The following SLC35F2 variants were observed in gnomAD, a reference collection of about 807,000 sequenced individuals.
The protein encoded by SLC35F2 is solute carrier family 35 member F2, also known as queuine/queuosine transporter SLC35F2.
Under a neutral mutation model 38.1 loss-of-function variants are expected in SLC35F2, and 25 were observed. That is an observed-to-expected ratio of 0.66 (90% CI 0.48 to 0.92). The LOEUF is 0.92. Among genes scored for constraint, SLC35F2 ranks in the 40% least tolerant of loss-of-function variants. SLC35F2 has a pLI of 0.00. For synonymous variants in SLC35F2, 173 were observed against 181.7 expected (o/e 0.95, Z 0.38); for missense variants, 409 against 452.9 (o/e 0.90, Z 0.88).
chr11:107,839,593 T>C (rs1040185837), intron 1 of SLC35F2, among the ~76,000 whole-genome samples: 1 of 152,214 alleles, frequency 6.6e-6, no homozygotes, highest in African/African-American at 2.4e-5. Context: ...AAATATAAAA[T>C]CCATGTATGA....
chr11:107,836,371 T>G (rs1013736385), intron 1 of SLC35F2, among the ~76,000 whole-genome samples: 1 of 152,106 alleles, frequency 6.6e-6, no homozygotes, highest in Non-Finnish European at 1.5e-5. Context: ...ATTTCTGGGT[T>G]CTACCACTAA....
chr11:107,818,393 T>C (rs550896411), intron 1 of SLC35F2, among the ~76,000 whole-genome samples: 1 of 151,312 alleles, frequency 6.6e-6, no homozygotes, highest in South Asian at 2.1e-4. Flanking sequence ...ATCATACCAC[T>C]ACAAAAAAGA....
chr11:107,795,654 G>A (rs566528610), intron 7 of SLC35F2, among the ~76,000 whole-genome samples: 5 of 152,220 alleles, frequency 3.3e-5, no homozygotes, highest in South Asian at 2.1e-4. Context: ...AAAAGTGGGC[G>A]AAGGACATGA....
At position 107,810,738 on chromosome 11, in the gene SLC35F2, A is replaced by G. The variant is rs1859467769; in HGVS notation, c.414+929T>C. Reference sequence around the variant, plus strand: ...TGTTACAGAAAAGAAAGTAGTTAATATAATGGTAGTAACATTTAATGTAGG... The same window carrying G: ...TGTTACAGAAAAGAAAGTAGTTAATGTAATGGTAGTAACATTTAATGTAGG... On this transcript the variant is annotated intron_variant, in intron 3 of 7. Transcript: ENST00000525815. 20 of 979,428 alleles carry G rather than the reference A, an allele frequency of 2.0e-5. No individual in the cohort carries two copies. In the South Asian group the frequency reaches 7.6e-4, roughly 37 times the overall value. 60.7% of individuals were successfully genotyped at this position (979,428 alleles called of 1,614,324 possible).
At chr11:107,805,166 T>C in intron 5 of SLC35F2, 193 bp downstream of exon 5, 2 of 985,140 alleles carry the variant, frequency 2.0e-6, no homozygotes, top group Non-Finnish European at 2.4e-6. Context: ...AGGAAGTAAT[T>C]CTTGATGTTT....
At chr11:107,825,799 G>A (rs1046178247) in intron 1 of SLC35F2, among the ~76,000 whole-genome samples, 2 of 152,114 alleles carry the variant, frequency 1.3e-5, no homozygotes, top group African/African-American at 4.8e-5. Context: ...AGGAATCCGT[G>A]GAAGAAGTGA....
intron 1 of SLC35F2, among the ~76,000 whole-genome samples, chr11:107,845,454 G>A (rs538573302): frequency 2.5e-4 from 38 of 152,054 alleles, no homozygotes; most frequent in South Asian, 2.1e-3. Context: ...CTAGGAAGTC[G>A]AAGCTGCAGG....
rs775493607 is a variant in SLC35F2, at chr11:107,806,864, A to G, written c.427T>C (p.Phe143Leu). ...TLTSVQLLDCFGIPVLMALSW... is the reference protein window; with the variant it reads ...TLTSVQLLDCLGIPVLMALSW... Reference sequence around the variant, plus strand: ...AGAGCCATCAACACAGGAATCCCAAAGCAATCCAAAAGCTGCATGGAAAGA... The same window carrying G: ...AGAGCCATCAACACAGGAATCCCAAGGCAATCCAAAAGCTGCATGGAAAGA... The change falls in exon 4 of 8, where the codon TTT (phenylalanine) becomes CTT (leucine). Residue 143 changes from phenylalanine to leucine, a missense_variant. Physicochemically the swap from Phe to Leu is conservative, Grantham distance 22 (BLOSUM62 0). Transcript: ENST00000525815. 8 of 1,613,604 alleles carry G rather than the reference A, an allele frequency of 5.0e-6. No homozygotes were observed. In the South Asian group the frequency reaches 8.8e-5, roughly 18 times the overall value.
intron 1 of SLC35F2, among the ~76,000 whole-genome samples, chr11:107,853,273 C>G (rs73005370): frequency 0.016 from 2,461 of 152,270 alleles, 25 homozygotes; most frequent in Non-Finnish European, 0.027. Context: ...CATTGCTGAA[C>G]CTTGCACTTA....
At chr11:107,843,859 AAAAAAAAAAATATATATATAT>A (rs1231634476) in intron 1 of SLC35F2, among the ~76,000 whole-genome samples, 4 of 38,804 alleles carry the variant, frequency 1.0e-4, no homozygotes, top group African/African-American at 3.5e-4. Flanking sequence ...AAAAAAAAAA[AAAAAAAAAAATATATATATAT>A]ATATATATAT....
chr11:107,841,394 C>T (rs1045487160), intron 1 of SLC35F2, among the ~76,000 whole-genome samples: 2 of 151,948 alleles, frequency 1.3e-5, no homozygotes, highest in African/African-American at 2.4e-5. Flanking sequence ...GAAACCCTGT[C>T]TCTACTAAAA....
chr11:107,806,537 T>C (rs998231430), intron 4 of SLC35F2, 180 bp downstream of exon 4: 43 of 604,602 alleles, frequency 7.1e-5, no homozygotes, highest in African/African-American at 3.8e-4. Flanking sequence ...GATGAATTCA[T>C]AGACCTCAAT....
chr11:107,804,198 C>T (rs1317274663), intron 6 of SLC35F2, among the ~76,000 whole-genome samples: 2 of 151,994 alleles, frequency 1.3e-5, no homozygotes, highest in Non-Finnish European at 2.9e-5. Flanking sequence ...TCCATGACAC[C>T]TATGTACTGT....
chr11:107,831,503 A>T (rs1286212520), intron 1 of SLC35F2, among the ~76,000 whole-genome samples: 1 of 152,182 alleles, frequency 6.6e-6, no homozygotes, highest in Non-Finnish European at 1.5e-5. Flanking sequence ...GGGATTATAG[A>T]CGTGCACCAC....
intron 7 of SLC35F2, among the ~76,000 whole-genome samples, chr11:107,802,564 T>C (rs961135087): frequency 1.3e-5 from 2 of 152,222 alleles, no homozygotes; most frequent in Admixed American, 1.3e-4. Context: ...CAATCATGCA[T>C]GCATGATAAA....
At chr11:107,818,067 AAAAAAAAAGAAAG>A (rs1306064438) in intron 1 of SLC35F2, among the ~76,000 whole-genome samples, 10 of 134,822 alleles carry the variant, frequency 7.4e-5, no homozygotes, top group South Asian at 2.4e-4. Flanking sequence ...AAAAAAAAAA[AAAAAAAAAGAAAG>A]AAAGAAAGAA....
chr11:107,816,242 T>C, intron 1 of SLC35F2: 1 of 984,586 alleles, frequency 1.0e-6, no homozygotes, highest in Non-Finnish European at 1.2e-6. Context: ...TACTCAGCTA[T>C]AACATATACT....
At chr11:107,802,675 T>C (rs1859328726) in intron 7 of SLC35F2, among the ~76,000 whole-genome samples, 1 of 152,242 alleles carries the variant, frequency 6.6e-6, no homozygotes. Flanking sequence ...TCAGGTTAAG[T>C]TACACTGTCC....
intron 1 of SLC35F2, among the ~76,000 whole-genome samples, chr11:107,817,443 T>A (rs1342389736): frequency 6.6e-6 from 1 of 152,148 alleles, no homozygotes; most frequent in Non-Finnish European, 1.5e-5. Flanking sequence ...GAGGAAACTT[T>A]TTCTAAGCAT....
Sources: gnomAD v4.1 joint callset for allele counts (sites outside exome capture counted in the v4.1 genomes callset) on GRCh38, gnomAD v4.1.1 for gene constraint, MANE v1.5 for transcripts, NCBI Gene and HGNC (gene_info 2026-07-23, HGNC 2026-07-21) for gene names.